The following SLC29A1 variants were observed in gnomAD, a reference collection of about 807,000 sequenced individuals.
The protein encoded by SLC29A1 is solute carrier family 29 member 1 (Augustine blood group), also known as equilibrative nucleoside transporter 1.
SLC29A1 carries 22 observed loss-of-function variants against 48.3 expected under a neutral mutation model. That is an observed-to-expected ratio of 0.46 (90% CI 0.33 to 0.65). The LOEUF (loss-of-function observed/expected upper bound fraction) is 0.65. Ranked by LOEUF, SLC29A1 falls within the 30% of genes least tolerant of loss-of-function variation. The probability of loss-of-function intolerance (pLI) is 0.03; values close to 1 mark genes in which losing one functional copy is unlikely to be tolerated. For synonymous variants in SLC29A1, 228 were observed against 231.0 expected (o/e 0.99, Z 0.12); for missense variants, 491 against 575.3 (o/e 0.85, Z 1.50).
At chr6:44,230,958 A>G in intron 8 of SLC29A1, 69 bp downstream of exon 8, 4 of 1,205,108 alleles carry the variant, frequency 3.3e-6, no homozygotes, top group Non-Finnish European at 4.9e-6. Context: ...GAGCAAAGAG[A>G]ACAAAGATGA....
In SLC29A1 at chr6:44,223,753, G is replaced by A. The variant is rs1165673815; in HGVS notation, c.-52+112G>A. ...GGGCCTGACGGCTCCGCAGCCCGGA[G>A]AAGGGACGCCGGGTGGGGCCCCAGT... is the stretch of plus-strand genomic sequence containing the variant. On this transcript the variant is annotated intron_variant, in intron 1 of 12. Transcript: ENST00000371755. The surrounding 1 kb of genome is among the most constrained non-coding windows in gnomAD (Gnocchi z 5.0). 24 of 1,036,254 alleles carry A rather than the reference G, an allele frequency of 2.3e-5. No individual in the cohort carries two copies. Among genetic ancestry groups the A allele is most frequent in the Non-Finnish European group, 2.7e-5 (23 of 859,022 alleles). 64.2% of individuals were successfully genotyped at this position (1,036,254 alleles called of 1,614,324 possible).
chr6:44,226,026 C>G, intron 1 of SLC29A1: 1 of 805,276 alleles, frequency 1.2e-6, no homozygotes, highest in Non-Finnish European at 1.5e-6. Context: ...TGATAACACC[C>G]TGTGCCACCT....
At chr6:44,231,322 C>T (rs774317346) in intron 8 of SLC29A1, 42 bp from the exon 9 acceptor site, 13 of 1,292,332 alleles carry the variant, frequency 1.0e-5, no homozygotes, top group Non-Finnish European at 1.4e-5. Context: ...TCTTCTGTTG[C>T]TCTGTCTTCC....
chr6:44,232,247 C>A lies in SLC29A1; in HGVS notation c.974-96C>A, dbSNP rs1779062236. On this transcript the variant is annotated intron_variant, in intron 10 of 12. Coordinates refer to ENST00000371755, the MANE Select transcript of SLC29A1 (RefSeq NM_001372327.1). This position sits in a 1 kb window ranked among gnomAD's most constrained non-coding sequence, Gnocchi z 4.7. ...TTCCCTGGGCTGGAAGCATCTTCTCCATTTTACTGTTGGGGAAGCTGAGGC... is the reference window on the plus strand; with the variant it reads ...TTCCCTGGGCTGGAAGCATCTTCTCAATTTTACTGTTGGGGAAGCTGAGGC... The A allele has an allele frequency of 1.7e-6, 2 of 1,164,272 alleles. No homozygotes were observed. Among genetic ancestry groups the A allele is most frequent in the South Asian group, 2.5e-5 (2 of 81,396 alleles). The allele number at this position is 1,164,272 out of a possible 1,614,324, so 72.1% of individuals were successfully genotyped here. A position where few individuals can be genotyped will look rare whatever the true frequency, so the allele number is the denominator to read the frequency against.
chr6:44,232,039 C>T lies in SLC29A1; in HGVS notation c.906C>T (p.Ile302=). Residue 302 remains isoleucine (I), a synonymous_variant, in exon 10 of 13, where the codon ATC becomes ATT. Coordinates refer to ENST00000371755, the MANE Select transcript of SLC29A1 (RefSeq NM_001372327.1). The surrounding 1 kb of genome is among the most constrained non-coding windows in gnomAD (Gnocchi z 4.7). ...TCTCTGTCTGCTTCATCTTCACTAT[C>T]ACCATTGGGATGTTTCCAGCCGTGA... ...LAFSVCFIFT[I]TIGMFPAVTV... is the part of the protein sequence containing the mutation. 1 of 1,614,034 alleles carries T rather than the reference C, an allele frequency of 6.2e-7. No homozygotes were observed. Among genetic ancestry groups the T allele is most frequent in the Non-Finnish European group, 8.5e-7 (1 of 1,179,936 alleles).
intron 5 of SLC29A1, 55 bp from the exon 6 acceptor site, chr6:44,230,292 G>T: frequency 6.3e-7 from 1 of 1,583,230 alleles, no homozygotes; most frequent in Non-Finnish European, 8.6e-7. Context: ...GTCTTCTTGG[G>T]CACCCCCAAC....
chr6:44,219,931 T>C (rs906267758), upstream of SLC29A1: 1 of 462,646 alleles, frequency 2.2e-6, no homozygotes, highest in African/African-American at 2.1e-5. Context: ...CTTTGGTTTC[T>C]GGATGCGGGG....
At chr6:44,231,572 C>A in intron 9 of SLC29A1, 111 bp downstream of exon 9, 1 of 742,878 alleles carries the variant, frequency 1.3e-6, no homozygotes. Flanking sequence ...AGTGGTCACT[C>A]CTGGATTCTT....
At chr6:44,231,495 T>C (rs1306535365) in intron 9 of SLC29A1, 34 bp downstream of exon 9, 2 of 1,362,650 alleles carry the variant, frequency 1.5e-6, no homozygotes, top group South Asian at 2.4e-5. Flanking sequence ...CTTCTACCCC[T>C]TGTCCTCTTT....
chr6:44,232,135 G>A lies in SLC29A1; in HGVS notation c.973+29G>A. On this transcript the variant is annotated intron_variant, in intron 10 of 12. Coordinates refer to ENST00000371755, the MANE Select transcript of SLC29A1 (RefSeq NM_001372327.1). This position sits in a 1 kb window ranked among gnomAD's most constrained non-coding sequence, Gnocchi z 4.7. ...AGGATGCCACAGGTTTCCAGGATGG[G>A]AACAGACAGGATCTTGAGTTGGGCT... 6.5e-7 allele frequency: 1 copy of A among 1,527,572 alleles called. No individual in the cohort carries two copies. The highest frequency in any genetic ancestry group is 9.1e-7 in the Non-Finnish European group (1 of 1,101,368). 94.6% of individuals were successfully genotyped at this position (1,527,572 alleles called of 1,614,324 possible).
intron 1 of SLC29A1, among the ~76,000 whole-genome samples, chr6:44,225,439 G>C (rs1777286448): frequency 6.7e-6 from 1 of 149,392 alleles, no homozygotes. Flanking sequence ...CTGGGAGGCA[G>C]AATTTGCAGT....
At position 44,230,471 on chromosome 6, in the gene SLC29A1, C is replaced by T. The variant is rs758637743; in HGVS notation, c.579C>T (p.Cys193=). The change falls in exon 6 of 13, where the codon TGC becomes TGT. Residue 193 remains cysteine (C), a synonymous_variant. Coordinates refer to ENST00000371755, the MANE Select transcript of SLC29A1 (RefSeq NM_001372327.1). ...TCTTTGCCTCCGTGGCCATGATCTG[C>T]GCTATTGCCAGTAAGTCCGGCTATC... The part of the protein sequence containing the change: ...AGFFASVAMI[C]AIASGSELSE... The T allele has an allele frequency of 6.2e-6, 10 of 1,613,796 alleles. No homozygotes were observed. The highest frequency in any genetic ancestry group is 4.5e-5 in the East Asian group (2 of 44,876).
At position 44,232,284 on chromosome 6, in the gene SLC29A1, T is replaced by G; in HGVS notation, c.974-59T>G. On this transcript the variant is annotated intron_variant, in intron 10 of 12. Coordinates refer to ENST00000371755, the MANE Select transcript of SLC29A1 (RefSeq NM_001372327.1). The surrounding 1 kb of genome is among the most constrained non-coding windows in gnomAD (Gnocchi z 4.7). ...GGGGAAGCTGAGGCCCAGTGAAGGT[T>G]AGGCTTGCTATACCTGCCTCTGTGA... 7.6e-7 allele frequency: 1 copy of G among 1,310,640 alleles called. No homozygotes were observed. Among genetic ancestry groups the G allele is most frequent in the South Asian group, 1.2e-5 (1 of 84,696 alleles). The allele number at this position is 1,310,640 out of a possible 1,614,324, so 81.2% of individuals were successfully genotyped here.
rs114905712 is a variant in SLC29A1 at position 44,231,832 on chromosome 6, C to T, written c.865-166C>T. 8.0e-3 allele frequency among the ~76,000 whole-genome samples: 1,211 copies of T among 152,258 alleles called. 17 individuals carry two copies. Among genetic ancestry groups the T allele is most frequent in the African/African-American group, 0.028 (1,169 of 41,556 alleles). On this transcript the variant is annotated intron_variant, in intron 9 of 12. Coordinates refer to ENST00000371755, the MANE Select transcript of SLC29A1 (RefSeq NM_001372327.1). ...TAGTAGAGATGGGGTTTCACCAGGT[C>T]AAGCTGGTCTCAAACTCCTGACCTC... is the stretch of plus-strand genomic sequence containing the variant.
intron 1 of SLC29A1, 32 bp from the exon 2 acceptor site, chr6:44,227,231 A>G: frequency 6.3e-7 from 1 of 1,599,356 alleles, no homozygotes; most frequent in African/African-American, 1.3e-5. Flanking sequence ...CAGGGCCAAG[A>G]CAGGGCCTCA....
upstream of SLC29A1, chr6:44,219,663 G>T (rs1299260030): frequency 4.7e-6 from 6 of 1,264,066 alleles, no homozygotes; most frequent in Non-Finnish European, 6.2e-6. Flanking sequence ...CGCGGGCTGC[G>T]CTCTCCAGCT....
At position 44,223,955 on chromosome 6, in the gene SLC29A1, G is replaced by T. The variant is rs1265627028; in HGVS notation, c.-52+314G>T. 1 of 988,074 alleles carries T rather than the reference G, an allele frequency of 1.0e-6. No homozygotes were observed. Among genetic ancestry groups the T allele is most frequent in the African/African-American group, 1.8e-5 (1 of 57,118 alleles). 61.2% of individuals were successfully genotyped at this position (988,074 alleles called of 1,614,324 possible). Reference sequence around the variant, plus strand: ...GTGGACGGGTGATCCCCATCGATCTGGTCGGTATCAGGGAGGGGCCGTGCC... The same window carrying T: ...GTGGACGGGTGATCCCCATCGATCTTGTCGGTATCAGGGAGGGGCCGTGCC... On this transcript the variant is annotated intron_variant, in intron 1 of 12. Transcript: ENST00000371755. The surrounding 1 kb of genome is among the most constrained non-coding windows in gnomAD (Gnocchi z 5.0).
rs1160859419 is a variant in SLC29A1, at chr6:44,223,869, G to A, written c.-52+228G>A. ...GACCGGGACCCAAGCTGGGCGGGGC[G>A]GCCTGGCTCCCGGGCCTAAAACAGG... On this transcript the variant is annotated intron_variant, in intron 1 of 12. Coordinates refer to ENST00000371755, the MANE Select transcript of SLC29A1 (RefSeq NM_001372327.1). The surrounding 1 kb of genome is among the most constrained non-coding windows in gnomAD (Gnocchi z 5.0). 3.0e-6 allele frequency: 3 copies of A among 998,378 alleles called. No homozygotes were observed. Among genetic ancestry groups the A allele is most frequent in the Non-Finnish European group, 3.6e-6 (3 of 838,372 alleles). The allele number at this position is 998,378 out of a possible 1,614,324, so 61.8% of individuals were successfully genotyped here.
At chr6:44,230,253 C>A in intron 5 of SLC29A1, 94 bp from the exon 6 acceptor site, 1 of 1,553,034 alleles carries the variant, frequency 6.4e-7, no homozygotes. Flanking sequence ...CAAGGCTCAC[C>A]AAGAGTAAAG....
Sources: allele counts gnomAD v4.1 joint callset (sites outside exome capture counted in the v4.1 genomes callset), GRCh38; gene constraint gnomAD v4.1.1; non-coding constraint Gnocchi (gnomAD v3.1); transcripts MANE v1.5; gene names NCBI Gene and HGNC (gene_info 2026-07-23, HGNC 2026-07-21).